USH2A: variants seen among roughly 807,000 people sequenced by gnomAD.
USH2A encodes the protein Usher syndrome 2A (autosomal recessive, mild).
USH2A carries 443 observed loss-of-function variants against 538.9 expected under a neutral mutation model. The observed-to-expected ratio is 0.82, with a 90% CI of 0.76 to 0.89. The LOEUF is 0.89. Among genes scored for constraint, USH2A ranks in the 40% least tolerant of loss-of-function variants. USH2A has a pLI of 0.00. For missense variants in USH2A, 6,633 were observed against 6,324.8 expected (o/e 1.05, Z -1.65); for synonymous variants, 2,413 against 2,273.5 (o/e 1.06, Z -1.75).
chr1:215,646,980 T>C (rs183661262), intron 67 of USH2A, among the ~76,000 whole-genome samples: 39 of 152,340 alleles, frequency 2.6e-4, no homozygotes, highest in Middle Eastern at 3.4e-3. Flanking sequence ...GTACATTCTA[T>C]GATATTTTCA....
intron 47 of USH2A, among the ~76,000 whole-genome samples, chr1:215,824,201 T>A (rs1485379116): frequency 6.6e-6 from 1 of 152,178 alleles, no homozygotes. Context: ...TTTTGGAGCA[T>A]CCTCTCATAT....
intron 4 of USH2A, among the ~76,000 whole-genome samples, chr1:216,339,989 G>A (rs1194836315): frequency 6.6e-6 from 1 of 151,880 alleles, no homozygotes; most frequent in African/African-American, 2.4e-5. Flanking sequence ...TAAGATCAGA[G>A]CAGAACTGAA....
intron 20 of USH2A, among the ~76,000 whole-genome samples, chr1:216,183,880 G>A (rs958891028): frequency 1.1e-4 from 17 of 151,924 alleles, no homozygotes; most frequent in Non-Finnish European, 2.2e-4. Flanking sequence ...AAAAAGTATT[G>A]CTTTGAACCG....
chr1:216,359,075 A>G (rs971850925), intron 4 of USH2A, among the ~76,000 whole-genome samples: 10 of 152,172 alleles, frequency 6.6e-5, no homozygotes, highest in African/African-American at 2.4e-4. Context: ...CTTCACGCAG[A>G]GTATTTTATA....
chr1:216,403,228 T>G (rs1383191392), intron 3 of USH2A, among the ~76,000 whole-genome samples: 3 of 152,064 alleles, frequency 2.0e-5, no homozygotes, highest in African/African-American at 7.2e-5. Flanking sequence ...TGTGACAATA[T>G]TTAATACTCA....
At chr1:216,394,797 C>A (rs2039178015) in intron 3 of USH2A, among the ~76,000 whole-genome samples, 1 of 147,670 alleles carries the variant, frequency 6.8e-6, no homozygotes, top group African/African-American at 2.5e-5. Flanking sequence ...CCGCTCACTG[C>A]AAGCTCCGCC....
At position 216,350,424 on chromosome 1, in the gene USH2A, C is replaced by G. The variant is rs1421154865; in HGVS notation, c.784+14529G>C. Reference sequence around the variant, plus strand: ...TCTGAGACAAGGCAATTCCCTTCTACCTATGAGCCTGTAAAATCAAAACCC... The same window carrying G: ...TCTGAGACAAGGCAATTCCCTTCTAGCTATGAGCCTGTAAAATCAAAACCC... On this transcript the variant is annotated intron_variant, in intron 4 of 71. Transcript: ENST00000307340. 3.9e-5 allele frequency among the ~76,000 whole-genome samples: 6 copies of G among 152,288 alleles called. No individual in the cohort carries two copies. In the East Asian group the frequency reaches 1.2e-3, roughly 29 times the overall value.
intron 11 of USH2A, among the ~76,000 whole-genome samples, chr1:216,252,901 C>T (rs901246213): frequency 4.6e-5 from 7 of 152,136 alleles, no homozygotes; most frequent in African/African-American, 1.7e-4. Flanking sequence ...TGGGTACATA[C>T]TTGTAACACT....
Position 215,759,678 on chromosome 1 carries a change from T to A in USH2A, c.11213A>T (p.Asn3738Ile), listed in dbSNP as rs1416382590. ...GSEEQNFTDK[N>I]LEPNSRYTYK... ...AGTTTACCTGCTATTGGGCTCCAGG[T>A]TTTTATCAGTGAAATTCTGCTCCTC... The change falls in exon 57 of 72, where the codon AAC becomes ATC. Residue 3738 changes from asparagine (N) to isoleucine (I), a missense_variant. Transcript: ENST00000307340. The A allele has an allele frequency of 1.9e-6, 3 of 1,613,964 alleles. No individual in the cohort carries two copies. The highest frequency in any genetic ancestry group is 1.7e-6 in the Non-Finnish European group (2 of 1,179,892).
chr1:216,062,245 A>T (rs2031210610), intron 30 of USH2A, among the ~76,000 whole-genome samples: 1 of 152,210 alleles, frequency 6.6e-6, no homozygotes, highest in African/African-American at 2.4e-5. Flanking sequence ...AATAACTTGG[A>T]ATCCACTAAG....
At chr1:215,771,624 A>AAAAAAC (rs1661291268) in intron 55 of USH2A, among the ~76,000 whole-genome samples, 1 of 133,880 alleles carries the variant, frequency 7.5e-6, no homozygotes, top group Non-Finnish European at 1.6e-5. Context: ...AAAAAAAAAA[A>AAAAAAC]TTCAAGTGGG....
At chr1:216,031,582 A>G (rs1260153776) in intron 32 of USH2A, among the ~76,000 whole-genome samples, 1 of 152,144 alleles carries the variant, frequency 6.6e-6, no homozygotes, top group Non-Finnish European at 1.5e-5. Flanking sequence ...CTAAATGGAG[A>G]AAACAGCTAC....
intron 25 of USH2A, among the ~76,000 whole-genome samples, chr1:216,084,325 A>G (rs1383202514): frequency 2.6e-5 from 4 of 152,126 alleles, no homozygotes; most frequent in Non-Finnish European, 4.4e-5. Context: ...ATAAATAGGC[A>G]TTTGTGGATT....
intron 47 of USH2A, among the ~76,000 whole-genome samples, chr1:215,818,793 C>T (rs903583260): frequency 4.6e-5 from 7 of 151,804 alleles, no homozygotes; most frequent in African/African-American, 1.4e-4. Context: ...CAGAAAAATA[C>T]TGCCTAGACC....
At chr1:216,391,010 G>T (rs757135267) in intron 3 of USH2A, among the ~76,000 whole-genome samples, 1 of 152,142 alleles carries the variant, frequency 6.6e-6, no homozygotes, top group Non-Finnish European at 1.5e-5. Context: ...ATTTACACAT[G>T]CAATATTAGG....
intron 70 of USH2A, among the ~76,000 whole-genome samples, chr1:215,633,178 C>T (rs540161577): frequency 1.3e-5 from 2 of 152,226 alleles, no homozygotes; most frequent in Non-Finnish European, 2.9e-5. Context: ...GTGTGAGCCA[C>T]CCAAGGAGCA....
At position 216,021,204 on chromosome 1, in the gene USH2A, G is replaced by A. The variant is rs541735340; in HGVS notation, c.6326-20642C>T. Among the ~76,000 whole-genome samples, 5 of 152,246 alleles carry A rather than the reference G, an allele frequency of 3.3e-5. No homozygotes were observed. In the South Asian group the frequency reaches 1.0e-3, roughly 32 times the overall value. On this transcript the variant is annotated intron_variant, in intron 32 of 71. Transcript: ENST00000307340. ...AAAACCTCTCATCTGCCCTGATGTG[G>A]TTTGGCTGTGTCCCTGCCCAGATCT...
intron 21 of USH2A, among the ~76,000 whole-genome samples, chr1:216,112,792 T>C (rs186712102): frequency 6.6e-4 from 100 of 152,232 alleles, no homozygotes; most frequent in African/African-American, 2.4e-3. Context: ...ATCTTGTTTT[T>C]TTTCATGTTT....
In USH2A at chr1:216,292,275, A is replaced by G; in HGVS notation, c.1740T>C (p.His580=). The G allele has an allele frequency of 6.2e-7, 1 of 1,614,116 alleles. No individual in the cohort carries two copies. The highest frequency in any genetic ancestry group is 8.5e-7 in the Non-Finnish European group (1 of 1,179,972). Reference sequence around the variant, plus strand: ...AGATGTTGTAATGGCAGCTTTTGGAATGGCTGTTGCATTGACAAGGTTTAC... The same window carrying G: ...AGATGTTGTAATGGCAGCTTTTGGAGTGGCTGTTGCATTGACAAGGTTTAC... The part of the protein sequence containing the change: ...FNCKPCQCNS[H]SKSCHYNISV... Residue 580 remains histidine, a synonymous_variant, in exon 10 of 72, where the codon CAT becomes CAC. Coordinates refer to ENST00000307340, the MANE Select transcript of USH2A (RefSeq NM_206933.4).
Sources: gnomAD v4.1 joint callset for allele counts (sites outside exome capture counted in the v4.1 genomes callset) on GRCh38, gnomAD v4.1.1 for gene constraint, MANE v1.5 for transcripts, NCBI Gene and HGNC (gene_info 2026-07-23, HGNC 2026-07-21) for gene names.